The following TRAPPC9 variants were observed in gnomAD, a reference collection of about 807,000 sequenced individuals.
TRAPPC9 encodes trafficking protein particle complex subunit 9, also known as IKK2 binding protein.
TRAPPC9 carries 83 observed loss-of-function variants against 124.0 expected under a neutral mutation model. The ratio of observed to expected loss-of-function variants is 0.67; its 90% CI spans 0.56 to 0.80. The LOEUF is 0.80. TRAPPC9 is among the 30% of genes least tolerant of loss of function. The probability of loss-of-function intolerance (pLI) is 0.00; values close to 1 mark genes in which losing one functional copy is unlikely to be tolerated. For missense variants in TRAPPC9, 1,302 were observed against 1,508.3 expected (o/e 0.86, Z 2.27); for synonymous variants, 638 against 617.5 (o/e 1.03, Z -0.49).
At chr8:140,377,457 C>T (rs1456241081) in intron 7 of TRAPPC9, among the ~76,000 whole-genome samples, 1 of 152,164 alleles carries the variant, frequency 6.6e-6, no homozygotes, top group African/African-American at 2.4e-5. Flanking sequence ...CGACGCCACA[C>T]CCGGCTACTT....
At chr8:139,733,092 T>C (rs1817946948) in intron 21 of TRAPPC9, among the ~76,000 whole-genome samples, 1 of 151,808 alleles carries the variant, frequency 6.6e-6, no homozygotes, top group African/African-American at 2.4e-5. Context: ...AATGTGACCG[T>C]ATTGGGGAAG....
intron 19 of TRAPPC9, among the ~76,000 whole-genome samples, chr8:139,915,485 G>C (rs372823018): frequency 1.2e-4 from 18 of 152,138 alleles, no homozygotes; most frequent in African/African-American, 4.1e-4. Context: ...GACTTCAAGT[G>C]ATCTTCCCAC....
At chr8:140,363,929 T>C (rs2068028091) in intron 8 of TRAPPC9, among the ~76,000 whole-genome samples, 2 of 152,034 alleles carry the variant, frequency 1.3e-5, no homozygotes, top group East Asian at 1.9e-4. Context: ...TTACAAATCA[T>C]GGGAAGTGTT....
At chr8:139,848,116 G>A (rs1827217056) in intron 21 of TRAPPC9, among the ~76,000 whole-genome samples, 2 of 152,208 alleles carry the variant, frequency 1.3e-5, no homozygotes, top group African/African-American at 2.4e-5. Flanking sequence ...GTAGGGAGAA[G>A]GGAAGCAGGT....
At chr8:140,044,241 T>C (rs1448485893) in intron 17 of TRAPPC9, among the ~76,000 whole-genome samples, 2 of 143,820 alleles carry the variant, frequency 1.4e-5, no homozygotes, top group African/African-American at 2.7e-5. Flanking sequence ...CCAGACACTG[T>C]GCTGGTCCAG....
At chr8:140,243,967 C>G (rs1042394445) in intron 16 of TRAPPC9, among the ~76,000 whole-genome samples, 2 of 152,226 alleles carry the variant, frequency 1.3e-5, no homozygotes, top group Non-Finnish European at 2.9e-5. Flanking sequence ...TCAGCAGCGG[C>G]CTCAGGTTCT....
intron 16 of TRAPPC9, among the ~76,000 whole-genome samples, chr8:140,235,467 T>C (rs942983091): frequency 6.6e-6 from 1 of 151,952 alleles, no homozygotes; most frequent in Non-Finnish European, 1.5e-5. Context: ...AATAACCCAA[T>C]AAAAAAATGA....
intron 17 of TRAPPC9, among the ~76,000 whole-genome samples, chr8:140,134,880 A>G (rs1370499784): frequency 3.3e-5 from 5 of 152,228 alleles, no homozygotes; most frequent in Non-Finnish European, 5.9e-5. Context: ...AAATAAAAAG[A>G]TAGTCTACAG....
At chr8:140,458,373 C>T (rs753826290), upstream of TRAPPC9, 7 of 1,596,830 alleles carry the variant, frequency 4.4e-6, no homozygotes, top group African/African-American at 6.7e-5. Context: ...CCCTGCGGCA[C>T]CCCCTGTGAC....
At chr8:140,004,180 G>A (rs1838592802) in intron 18 of TRAPPC9, among the ~76,000 whole-genome samples, 1 of 152,136 alleles carries the variant, frequency 6.6e-6, no homozygotes, top group Non-Finnish European at 1.5e-5. Flanking sequence ...TGCCACAACG[G>A]TGGGGCCGGG....
chr8:140,246,654 ATC>A (rs1409052029), intron 16 of TRAPPC9, among the ~76,000 whole-genome samples: 1 of 152,164 alleles, frequency 6.6e-6, no homozygotes, highest in African/African-American at 2.4e-5. Flanking sequence ...TACTAACACT[ATC>A]TCTACCAAAA....
intron 18 of TRAPPC9, among the ~76,000 whole-genome samples, chr8:140,006,971 T>C (rs1838799784): frequency 6.6e-6 from 1 of 152,194 alleles, no homozygotes; most frequent in Non-Finnish European, 1.5e-5. Flanking sequence ...GGGCGACTTA[T>C]GTGACATGTA....
At chr8:140,201,705 C>G (rs1218812458) in intron 17 of TRAPPC9, among the ~76,000 whole-genome samples, 1 of 152,142 alleles carries the variant, frequency 6.6e-6, no homozygotes, top group African/African-American at 2.4e-5. Context: ...ATGCTGGGGA[C>G]ATTTTTATAT....
intron 15 of TRAPPC9, among the ~76,000 whole-genome samples, chr8:140,264,998 C>T (rs911107382): frequency 1.3e-5 from 2 of 152,154 alleles, no homozygotes; most frequent in Non-Finnish European, 2.9e-5. Flanking sequence ...CAATACGAGA[C>T]GCCAAAACCC....
chr8:140,070,607 G>A (rs527804732), intron 17 of TRAPPC9, among the ~76,000 whole-genome samples: 21 of 152,286 alleles, frequency 1.4e-4, no homozygotes, highest in African/African-American at 4.3e-4. Flanking sequence ...TTGAGGGGAG[G>A]AACAGTAGGG....
intron 17 of TRAPPC9, among the ~76,000 whole-genome samples, chr8:140,033,688 T>TTTTTTTTTTTTTTTTTG (rs1563707043): frequency 5.2e-5 from 6 of 115,112 alleles, no homozygotes; most frequent in South Asian, 3.1e-4. Context: ...TTTTTTTTTT[T>TTTTTTTTTTTTTTTTTG]TTTTTTTTTT....
At chr8:139,828,422 T>G (rs1354987796) in intron 21 of TRAPPC9, among the ~76,000 whole-genome samples, 1 of 152,148 alleles carries the variant, frequency 6.6e-6, no homozygotes, top group African/African-American at 2.4e-5. Flanking sequence ...TTCCTCAAAA[T>G]AAGCCAGACA....
intron 17 of TRAPPC9, among the ~76,000 whole-genome samples, chr8:140,150,139 C>T (rs569356610): frequency 6.6e-5 from 10 of 152,244 alleles, no homozygotes; most frequent in African/African-American, 2.4e-4. Context: ...GGCACTGTGG[C>T]CAAGTTCTCT....
At chr8:139,840,506 T>C (rs1428749392) in intron 21 of TRAPPC9, among the ~76,000 whole-genome samples, 1 of 152,108 alleles carries the variant, frequency 6.6e-6, no homozygotes, top group Non-Finnish European at 1.5e-5. Context: ...CGGTGGACGT[T>C]GATGAGGAAA....
Sources: allele counts gnomAD v4.1 joint callset (sites outside exome capture counted in the v4.1 genomes callset), GRCh38; gene constraint gnomAD v4.1.1; transcripts MANE v1.5; gene names NCBI Gene and HGNC (gene_info 2026-07-23, HGNC 2026-07-21).